Variants in CSMD1 observed in about 807,000 individuals in gnomAD.
CSMD1 encodes CUB and Sushi multiple domains 1.
CSMD1 carries 213 observed loss-of-function variants against 417.5 expected under a neutral mutation model. That is an observed-to-expected ratio of 0.51 (90% CI 0.46 to 0.57). CSMD1 has a LOEUF of 0.57. Among genes scored for constraint, CSMD1 ranks in the 20% least tolerant of loss-of-function variants. The pLI is 0.00. For missense variants in CSMD1, 6,923 were observed against 4,529.7 expected, an observed-to-expected ratio of 1.53 and a Z score of -15.17; for synonymous variants, 2,862 against 1,736.8, an observed-to-expected ratio of 1.65 and a Z score of -16.11.
chr8:4,111,950 G>A (rs527898485), intron 3 of CSMD1, among the ~76,000 whole-genome samples: 1 of 151,810 alleles, frequency 6.6e-6, no homozygotes, highest in African/African-American at 2.4e-5. Flanking sequence ...CAAAAGCACA[G>A]TCTCTGTAAT....
chr8:2,999,947 A>G lies in CSMD1; in HGVS notation c.8203+11T>C. The G allele has an allele frequency of 6.2e-7, 1 of 1,605,130 alleles. No homozygotes were observed. Among genetic ancestry groups the G allele is most frequent in the Non-Finnish European group, 8.5e-7 (1 of 1,176,010 alleles). On this transcript the variant is annotated intron_variant, in intron 53 of 69. Coordinates refer to ENST00000635120, the MANE Select transcript of CSMD1 (RefSeq NM_033225.6). ...AGCATCGATGAATTCGTCCACAAAGAGTGCACTTACGGACACAGACAGGCG... is the reference window on the plus strand; with the variant it reads ...AGCATCGATGAATTCGTCCACAAAGGGTGCACTTACGGACACAGACAGGCG...
intron 41 of CSMD1, 97 bp from the exon 42 acceptor site, chr8:3,118,684 A>G: frequency 9.4e-7 from 1 of 1,064,012 alleles, no homozygotes; most frequent in Non-Finnish European, 1.4e-6. Context: ...GCTTGAGATG[A>G]AGTTGTTGGA....
intron 1 of CSMD1, among the ~76,000 whole-genome samples, chr8:4,693,087 A>G (rs1563154566): frequency 1.3e-5 from 2 of 152,056 alleles, no homozygotes; most frequent in African/African-American, 2.4e-5. Flanking sequence ...TCTTCTCCAC[A>G]TCCTCTCGGA....
At chr8:3,721,640 C>A (rs1585132115) in intron 6 of CSMD1, among the ~76,000 whole-genome samples, 1 of 152,188 alleles carries the variant, frequency 6.6e-6, no homozygotes, top group Non-Finnish European at 1.5e-5. Flanking sequence ...TTGCAAATAC[C>A]TTTATTTTGC....
chr8:3,279,526 A>G (rs1360512733), intron 26 of CSMD1, among the ~76,000 whole-genome samples: 1 of 152,178 alleles, frequency 6.6e-6, no homozygotes, highest in Non-Finnish European at 1.5e-5. Flanking sequence ...ACGTATGACA[A>G]TCCCAGTGGG....
intron 10 of CSMD1, among the ~76,000 whole-genome samples, chr8:3,572,770 A>T (rs1424730456): frequency 2.0e-5 from 3 of 152,104 alleles, no homozygotes; most frequent in African/African-American, 7.2e-5. Context: ...GCCCCTATGG[A>T]AATGCATGTA....
At chr8:3,724,946 A>T (rs1284116502) in intron 6 of CSMD1, among the ~76,000 whole-genome samples, 3 of 152,210 alleles carry the variant, frequency 2.0e-5, no homozygotes, top group African/African-American at 7.2e-5. Context: ...TCTTTTTAAA[A>T]TATGTTGATG....
chr8:4,154,816 G>C (rs545757097), intron 3 of CSMD1, among the ~76,000 whole-genome samples: 2 of 152,040 alleles, frequency 1.3e-5, no homozygotes, highest in South Asian at 4.1e-4. Flanking sequence ...GTTGGAAAGA[G>C]AGGCACGATT....
chr8:3,857,033 T>C (rs1489066791), intron 5 of CSMD1, among the ~76,000 whole-genome samples: 1 of 152,120 alleles, frequency 6.6e-6, no homozygotes, highest in Non-Finnish European at 1.5e-5. Context: ...TAGAAATATA[T>C]ATCGAGGGCT....
intron 11 of CSMD1, among the ~76,000 whole-genome samples, chr8:3,490,202 C>G (rs2897374): frequency 0.37 from 56,548 of 152,004 alleles, 10,650 homozygotes; most frequent in Middle Eastern, 0.46. Flanking sequence ...AAATGCCCAG[C>G]TGATCCCGGC....
intron 26 of CSMD1, among the ~76,000 whole-genome samples, chr8:3,263,339 T>G (rs971407722): frequency 6.6e-6 from 1 of 152,232 alleles, no homozygotes; most frequent in African/African-American, 2.4e-5. Flanking sequence ...CCTCAAGTGA[T>G]CTGCCTGCCT....
At chr8:4,197,296 GATGGGTA>G (rs938004195) in intron 3 of CSMD1, among the ~76,000 whole-genome samples, 2 of 152,216 alleles carry the variant, frequency 1.3e-5, no homozygotes, top group African/African-American at 4.8e-5. Context: ...TAAGTATTAT[GATGGGTA>G]ATGTTATACA....
chr8:3,105,716 C>T (rs1182090776), intron 46 of CSMD1, among the ~76,000 whole-genome samples: 5 of 152,170 alleles, frequency 3.3e-5, no homozygotes, highest in Admixed American at 2.6e-4. Context: ...AAATATTAAA[C>T]ACCAGCTAAT....
Position 3,087,088 on chromosome 8 carries a change from A to C in CSMD1, c.7474+9T>G, listed in dbSNP as rs1161598407. On this transcript the variant is annotated intron_variant, in intron 49 of 69. Coordinates refer to ENST00000635120, the MANE Select transcript of CSMD1 (RefSeq NM_033225.6). ...GAAACAAGGCTGGGGATGAAAACGC[A>C]TTTCTTACCCTGGCAGAGTGGCGTG... 1 of 1,611,138 alleles carries C rather than the reference A, an allele frequency of 6.2e-7. No individual in the cohort carries two copies. The highest frequency in any genetic ancestry group is 2.2e-5 in the East Asian group (1 of 44,864).
intron 52 of CSMD1, among the ~76,000 whole-genome samples, chr8:3,015,811 G>A (rs549328624): frequency 1.1e-4 from 16 of 152,238 alleles, no homozygotes; most frequent in African/African-American, 3.9e-4. Flanking sequence ...TTAAGAGATG[G>A]AAGAAAAGCA....
intron 3 of CSMD1, among the ~76,000 whole-genome samples, chr8:4,169,009 T>C (rs1013894907): frequency 6.6e-6 from 1 of 152,140 alleles, no homozygotes; most frequent in African/African-American, 2.4e-5. Context: ...ATCAGCCGCT[T>C]ACTCTTACTC....
intron 3 of CSMD1, among the ~76,000 whole-genome samples, chr8:4,042,014 A>T (rs73511314): frequency 0.011 from 1,726 of 152,326 alleles, 32 homozygotes; most frequent in African/African-American, 0.039. Context: ...AACTAAGAGC[A>T]CAGAGAATCA....
intron 5 of CSMD1, among the ~76,000 whole-genome samples, chr8:3,975,245 G>A (rs754480803): frequency 2.6e-5 from 4 of 152,178 alleles, no homozygotes; most frequent in South Asian, 2.1e-4. Flanking sequence ...TACTTGCTTC[G>A]TTATTTATCA....
chr8:3,552,680 T>C (rs1384430110), intron 10 of CSMD1, among the ~76,000 whole-genome samples: 1 of 152,204 alleles, frequency 6.6e-6, no homozygotes, highest in Non-Finnish European at 1.5e-5. Flanking sequence ...ACATTGTTCA[T>C]ATACTCCATT....
Sources: gnomAD v4.1 joint callset for allele counts (sites outside exome capture counted in the v4.1 genomes callset) on GRCh38, gnomAD v4.1.1 for gene constraint, MANE v1.5 for transcripts, NCBI Gene and HGNC (gene_info 2026-07-23, HGNC 2026-07-21) for gene names.